Variants in ZNF385D observed in about 807,000 individuals in gnomAD.
ZNF385D encodes the protein zinc finger protein 659.
ZNF385D carries 15 observed loss-of-function variants against 35.8 expected under a neutral mutation model. The ratio of observed to expected loss-of-function variants is 0.42; its 90% CI spans 0.28 to 0.64. ZNF385D has a LOEUF of 0.64. Ranked by LOEUF, ZNF385D falls within the 30% of genes least tolerant of loss-of-function variation. ZNF385D has a pLI of 0.23. For synonymous variants in ZNF385D, 212 were observed against 186.8 expected, an observed-to-expected ratio of 1.13 and a Z score of -1.10; for missense variants, 474 against 494.6, an observed-to-expected ratio of 0.96 and a Z score of 0.39.
chr3:21,924,195 C>A (rs72625846), intron 3 of ZNF385D, among the ~76,000 whole-genome samples: 26,839 of 152,020 alleles, frequency 0.18, 3,015 homozygotes, highest in Non-Finnish European at 0.25. Context: ...CTATTTCTAC[C>A]ACTAAATTCT....
At chr3:22,006,927 C>A (rs572777229) in intron 3 of ZNF385D, among the ~76,000 whole-genome samples, 9 of 151,896 alleles carry the variant, frequency 5.9e-5, no homozygotes, top group Admixed American at 5.2e-4. Flanking sequence ...GTAAGAAGTC[C>A]TGAGTTTGTG....
At chr3:22,296,113 T>C (rs1006637513) in intron 2 of ZNF385D, among the ~76,000 whole-genome samples, 2 of 152,128 alleles carry the variant, frequency 1.3e-5, no homozygotes, top group African/African-American at 4.8e-5. Flanking sequence ...TCCAATGCCA[T>C]AGGTTTTAGA....
chr3:21,946,211 CT>C lies in ZNF385D; in HGVS notation c.325+222605del, dbSNP rs146052737. On this transcript the variant is annotated intron_variant, in intron 3 of 5. Transcript: ENST00000494108. ...GAGAAAGAGAACTTTTCTCTTTTAA[CT>C]TAACCATTTCCATCCTCTATTTAAA... is the stretch of plus-strand genomic sequence containing the variant. Among the ~76,000 whole-genome samples the C allele has an allele frequency of 8.5e-3, 1,295 of 152,232 alleles. 23 individuals are homozygous for C. The highest frequency in any genetic ancestry group is 0.029 in the African/African-American group (1,193 of 41,570).
intron 3 of ZNF385D, among the ~76,000 whole-genome samples, chr3:21,969,815 G>T (rs1703135186): frequency 6.6e-6 from 1 of 152,042 alleles, no homozygotes; most frequent in African/African-American, 2.4e-5. Context: ...TGGCTTCAGG[G>T]GTGCCTGTGT....
chr3:21,846,085 A>T (rs1465414660), intron 3 of ZNF385D, among the ~76,000 whole-genome samples: 1 of 152,010 alleles, frequency 6.6e-6, no homozygotes, highest in Non-Finnish European at 1.5e-5. Flanking sequence ...GGCTGTGTCC[A>T]TCGGGGTCAC....
At chr3:22,007,041 G>T (rs1204429022) in intron 3 of ZNF385D, among the ~76,000 whole-genome samples, 1 of 152,042 alleles carries the variant, frequency 6.6e-6, no homozygotes, top group Non-Finnish European at 1.5e-5. Flanking sequence ...CTCAATATCA[G>T]TTTTTCAAAA....
At chr3:22,204,478 G>T (rs565050590) in intron 2 of ZNF385D, among the ~76,000 whole-genome samples, 1 of 151,938 alleles carries the variant, frequency 6.6e-6, no homozygotes, top group Non-Finnish European at 1.5e-5. Flanking sequence ...AGCATCAAGA[G>T]CATCGAGAAA....
intron 2 of ZNF385D, among the ~76,000 whole-genome samples, chr3:22,177,523 T>C (rs928242953): frequency 1.3e-5 from 2 of 152,176 alleles, no homozygotes; most frequent in African/African-American, 4.8e-5. Flanking sequence ...CATCACACAA[T>C]ACCCTAGTTC....
intron 3 of ZNF385D, among the ~76,000 whole-genome samples, chr3:22,153,583 C>A (rs1192282961): frequency 6.6e-6 from 1 of 151,600 alleles, no homozygotes; most frequent in African/African-American, 2.4e-5. Context: ...TGTGTCTCAG[C>A]CTCCTGAGTA....
chr3:21,423,832 A>T, intron 7 of ZNF385D, 131 bp downstream of exon 7: 1 of 765,200 alleles, frequency 1.3e-6, no homozygotes, highest in Non-Finnish European at 2.1e-6. Context: ...GATCTATGAT[A>T]AATCTGAACT....
chr3:21,934,988 T>A (rs933749638), intron 3 of ZNF385D, among the ~76,000 whole-genome samples: 2 of 152,220 alleles, frequency 1.3e-5, no homozygotes, highest in Non-Finnish European at 2.9e-5. Flanking sequence ...ATTTTACTTC[T>A]GTGTCCAGTG....
chr3:22,069,883 T>A (rs1275725171), intron 3 of ZNF385D, among the ~76,000 whole-genome samples: 1 of 152,150 alleles, frequency 6.6e-6, no homozygotes, highest in African/African-American at 2.4e-5. Flanking sequence ...ATGTCTCCTT[T>A]TGCTTTACTG....
chr3:22,018,833 C>G (rs1049783142), intron 3 of ZNF385D, among the ~76,000 whole-genome samples: 2 of 151,844 alleles, frequency 1.3e-5, no homozygotes, highest in Admixed American at 1.3e-4. Context: ...CCAGCTATTT[C>G]ACAGAAATGG....
At chr3:21,618,101 A>G (rs1263685336) in intron 2 of ZNF385D, among the ~76,000 whole-genome samples, 2 of 152,208 alleles carry the variant, frequency 1.3e-5, no homozygotes, top group Admixed American at 6.5e-5. Context: ...CCAGAAACCT[A>G]TATTATCTTA....
chr3:21,929,504 A>T (rs1375913570), intron 3 of ZNF385D, among the ~76,000 whole-genome samples: 1 of 152,118 alleles, frequency 6.6e-6, no homozygotes, highest in South Asian at 2.1e-4. Context: ...TATAAAGCAA[A>T]AAGTAAAATT....
intron 3 of ZNF385D, among the ~76,000 whole-genome samples, chr3:22,121,644 A>G (rs1195295205): frequency 6.6e-6 from 1 of 151,750 alleles, no homozygotes. Flanking sequence ...GGCTTGCAAA[A>G]CTTAGGGGAA....
intron 1 of ZNF385D, among the ~76,000 whole-genome samples, chr3:21,668,135 A>C (rs144307709): frequency 6.6e-6 from 1 of 152,044 alleles, no homozygotes; most frequent in Non-Finnish European, 1.5e-5. Context: ...GCACCAAGGC[A>C]CTCCTCTCAG....
intron 3 of ZNF385D, among the ~76,000 whole-genome samples, chr3:21,892,936 T>C (rs932179652): frequency 5.3e-5 from 8 of 152,146 alleles, no homozygotes; most frequent in Admixed American, 2.0e-4. Flanking sequence ...AAAATAAGCA[T>C]TTTTTGGACA....
chr3:22,225,361 C>T (rs757997483), intron 2 of ZNF385D, among the ~76,000 whole-genome samples: 4 of 152,072 alleles, frequency 2.6e-5, no homozygotes, highest in East Asian at 1.9e-4. Flanking sequence ...TCGTGTAACC[C>T]GCGTCCACCC....
Sources: allele counts gnomAD v4.1 joint callset (sites outside exome capture counted in the v4.1 genomes callset), GRCh38; gene constraint gnomAD v4.1.1; transcripts MANE v1.5; gene names NCBI Gene and HGNC (gene_info 2026-07-23, HGNC 2026-07-21).